NAALADL2: variants seen among roughly 807,000 people sequenced by gnomAD.
NAALADL2 encodes the protein N-acetylated alpha-linked acidic dipeptidase like 2, also known as inactive N-acetylated-alpha-linked acidic dipeptidase-like protein 2.
NAALADL2 carries 76 observed loss-of-function variants against 87.2 expected under a neutral mutation model. The ratio of observed to expected loss-of-function variants is 0.87; its 90% CI spans 0.72 to 1.05. The LOEUF (loss-of-function observed/expected upper bound fraction) is 1.05, where lower values mean the gene tolerates loss of function less well. Among genes scored for constraint, NAALADL2 ranks in the 50% least tolerant of loss-of-function variants. The pLI, the probability that NAALADL2 is intolerant of heterozygous loss-of-function variation, is 0.00. For synonymous variants in NAALADL2, 354 were observed against 331.0 expected, an observed-to-expected ratio of 1.07 and a Z score of -0.75; for missense variants, 1,089 against 945.8, an observed-to-expected ratio of 1.15 and a Z score of -1.99.
intron 1 of NAALADL2, among the ~76,000 whole-genome samples, chr3:174,978,422 C>CT (rs987933385): frequency 2.0e-5 from 3 of 152,134 alleles, no homozygotes; most frequent in African/African-American, 7.2e-5. Flanking sequence ...AGTCCTCACT[C>CT]TTTTTTATAA....
chr3:175,295,937 C>G (rs1756304912), intron 4 of NAALADL2, among the ~76,000 whole-genome samples: 1 of 151,868 alleles, frequency 6.6e-6, no homozygotes. Flanking sequence ...CCAGGCTAGT[C>G]TCACTTTTGT....
At chr3:175,158,491 A>G (rs1041400036) in intron 2 of NAALADL2, among the ~76,000 whole-genome samples, 4 of 152,104 alleles carry the variant, frequency 2.6e-5, no homozygotes, top group African/African-American at 9.7e-5. Flanking sequence ...GGGGAATAGA[A>G]CTTTTGGATT....
intron 1 of NAALADL2, among the ~76,000 whole-genome samples, chr3:174,993,374 CAG>C (rs1747002028): frequency 6.6e-6 from 1 of 152,100 alleles, no homozygotes; most frequent in South Asian, 2.1e-4. Context: ...GCTGGGAACA[CAG>C]GGGTGAGCAA....
intron 1 of NAALADL2, among the ~76,000 whole-genome samples, chr3:175,051,772 T>C (rs2109023267): frequency 6.6e-6 from 1 of 152,278 alleles, no homozygotes; most frequent in South Asian, 2.1e-4. Context: ...AAATGGTACT[T>C]GGGATTGAAT....
chr3:175,150,177 G>A (rs2108777300), intron 2 of NAALADL2, among the ~76,000 whole-genome samples: 1 of 152,238 alleles, frequency 6.6e-6, no homozygotes, highest in South Asian at 2.1e-4. Flanking sequence ...TTTCAAAAGA[G>A]CATCAAGAAT....
intron 3 of NAALADL2, among the ~76,000 whole-genome samples, chr3:174,758,286 T>C (rs942802686): frequency 2.0e-5 from 3 of 152,228 alleles, no homozygotes; most frequent in Admixed American, 6.5e-5. Flanking sequence ...CAGCAGGATT[T>C]AGTGACAGGA....
At chr3:174,845,733 C>T (rs114599701) in intron 3 of NAALADL2, among the ~76,000 whole-genome samples, 48 of 152,224 alleles carry the variant, frequency 3.2e-4, no homozygotes, top group Non-Finnish European at 6.6e-4. Flanking sequence ...CCCTGTTGTG[C>T]AGATCCACCT....
At chr3:174,970,485 T>G (rs1030190753) in intron 1 of NAALADL2, among the ~76,000 whole-genome samples, 1 of 152,168 alleles carries the variant, frequency 6.6e-6, no homozygotes, top group Non-Finnish European at 1.5e-5. Context: ...TCTCATTAAT[T>G]ATAATAATTA....
chr3:175,463,736 G>GAGAGAGAGAGAGAGAGA, intron 7 of NAALADL2, among the ~76,000 whole-genome samples: 29 of 145,082 alleles, frequency 2.0e-4, no homozygotes, highest in African/African-American at 7.4e-4. Flanking sequence ...GAGAGAGAGA[G>GAGAGAGAGAGAGAGAGA]GTGGGGATCT....
At chr3:174,866,586 A>G (rs1055734958) in intron 1 of NAALADL2, among the ~76,000 whole-genome samples, 4 of 151,826 alleles carry the variant, frequency 2.6e-5, no homozygotes, top group Non-Finnish European at 5.9e-5. Flanking sequence ...TGTCTGTCCC[A>G]GAGTTCCTAA....
chr3:174,549,382 C>T (rs1711826885), intron 1 of NAALADL2, among the ~76,000 whole-genome samples: 1 of 152,120 alleles, frequency 6.6e-6, no homozygotes, highest in African/African-American at 2.4e-5. Flanking sequence ...GATGTAGACT[C>T]CTTGGCCTAT....
intron 1 of NAALADL2, among the ~76,000 whole-genome samples, chr3:175,015,213 T>G (rs1453157426): frequency 6.6e-6 from 1 of 152,124 alleles, no homozygotes; most frequent in Non-Finnish European, 1.5e-5. Flanking sequence ...CAGTATCACG[T>G]TTAGCTCTAC....
At chr3:175,784,717 G>A (rs62287268) in intron 13 of NAALADL2, among the ~76,000 whole-genome samples, 2,274 of 82,182 alleles carry the variant, frequency 0.028, no homozygotes, top group Non-Finnish European at 0.036. Flanking sequence ...GTTCTGCTCT[G>A]ATTTTAGTTA....
At chr3:175,534,084 A>G (rs1734469616) in intron 9 of NAALADL2, among the ~76,000 whole-genome samples, 2 of 151,580 alleles carry the variant, frequency 1.3e-5, no homozygotes. Flanking sequence ...TATTATGCCA[A>G]GGATTATCAG....
At chr3:175,253,743 G>A (rs1049798370) in intron 3 of NAALADL2, among the ~76,000 whole-genome samples, 1 of 152,126 alleles carries the variant, frequency 6.6e-6, no homozygotes, top group African/African-American at 2.4e-5. Flanking sequence ...CAGCATTAAC[G>A]GGAGTTTGAA....
chr3:175,134,989 G>A (rs1728889317), intron 2 of NAALADL2, among the ~76,000 whole-genome samples: 1 of 152,108 alleles, frequency 6.6e-6, no homozygotes, highest in Admixed American at 6.5e-5. Flanking sequence ...TACATTAATT[G>A]ATGAGTAAGT....
intron 11 of NAALADL2, among the ~76,000 whole-genome samples, chr3:175,632,091 G>T (rs577172668): frequency 2.0e-4 from 30 of 151,956 alleles, no homozygotes; most frequent in African/African-American, 7.2e-4. Context: ...CTCTGATATG[G>T]TTTGGGTCTG....
At chr3:175,148,472 T>C (rs1470349249) in intron 2 of NAALADL2, among the ~76,000 whole-genome samples, 1 of 152,184 alleles carries the variant, frequency 6.6e-6, no homozygotes, top group Non-Finnish European at 1.5e-5. Context: ...ATTTTTGTTT[T>C]TGATGCAGTT....
chr3:175,782,970 C>A (rs2150222424), intron 13 of NAALADL2, among the ~76,000 whole-genome samples: 2 of 147,562 alleles, frequency 1.4e-5, no homozygotes, highest in South Asian at 4.4e-4. Flanking sequence ...GGAATCCTTT[C>A]CCCATTGCTT....
Sources: allele counts gnomAD v4.1 joint callset (sites outside exome capture counted in the v4.1 genomes callset), GRCh38; gene constraint gnomAD v4.1.1; transcripts MANE v1.5; gene names NCBI Gene and HGNC (gene_info 2026-07-23, HGNC 2026-07-21).